Variants in KIAA0513 observed in about 807,000 individuals in gnomAD.
KIAA0513 encodes the protein uncharacterized protein KIAA0513.
In KIAA0513, 39 loss-of-function variants were observed where a neutral mutation model predicts 56.5. The ratio of observed to expected loss-of-function variants is 0.69; its 90% CI spans 0.53 to 0.90. The LOEUF is 0.90. Among genes scored for constraint, KIAA0513 ranks in the 40% least tolerant of loss-of-function variants. The probability of loss-of-function intolerance (pLI) is 0.00; values close to 1 mark genes in which losing one functional copy is unlikely to be tolerated. For missense variants in KIAA0513, 591 were observed against 535.2 expected, an observed-to-expected ratio of 1.10 and a Z score of -1.03; for synonymous variants, 268 against 215.6, an observed-to-expected ratio of 1.24 and a Z score of -2.13.
intron 1 of KIAA0513, among the ~76,000 whole-genome samples, chr16:85,033,605 C>G (rs1438774720): frequency 1.3e-5 from 2 of 151,934 alleles, no homozygotes; most frequent in African/African-American, 4.8e-5. Context: ...CATCTCATAT[C>G]TGACCAAGGG....
rs867284990 is a variant in KIAA0513, at chr16:85,086,835, G to A, written c.1091+111G>A. The A allele has an allele frequency of 1.9e-5, 20 of 1,038,636 alleles. No individual in the cohort carries two copies. In the Middle Eastern group the frequency reaches 2.2e-3, roughly 112 times the overall value. 64.3% of individuals were successfully genotyped at this position (1,038,636 alleles called of 1,614,324 possible). A position where few individuals can be genotyped will look rare whatever the true frequency, so the allele number is the denominator to read the frequency against. On this transcript the variant is annotated intron_variant, in intron 11 of 12. Coordinates refer to ENST00000683363, the MANE Select transcript of KIAA0513 (RefSeq NM_001388359.1). ...GTGATGTCAGCCTGCTCTGAGGCAT[G>A]GGGTTCATCACACTTGGCCTCCATG...
chr16:85,078,911 C>G lies in KIAA0513; in HGVS notation c.824-14C>G, dbSNP rs1470891857. 6.2e-7 allele frequency: 1 copy of G among 1,614,086 alleles called. No individual in the cohort carries two copies. The highest frequency in any genetic ancestry group is 1.1e-5 in the South Asian group (1 of 91,086). ...AACCAGAGCTGCTTTCAGCCATTCTCTCTCCTCCCACAGTGACCGCGTACA... is the reference window on the plus strand; with the variant it reads ...AACCAGAGCTGCTTTCAGCCATTCTGTCTCCTCCCACAGTGACCGCGTACA... On this transcript the variant is annotated splice_polypyrimidine_tract_variant and intron_variant, in intron 7 of 12. Coordinates refer to ENST00000683363, the MANE Select transcript of KIAA0513 (RefSeq NM_001388359.1).
At chr16:85,047,310 G>T (rs1341441460) in intron 1 of KIAA0513, among the ~76,000 whole-genome samples, 1 of 152,210 alleles carries the variant, frequency 6.6e-6, no homozygotes, top group African/African-American at 2.4e-5. Context: ...GAGCCCAGGA[G>T]CTCGTAACAA....
chr16:85,083,657 C>T (rs1421185673), intron 10 of KIAA0513, among the ~76,000 whole-genome samples: 1 of 152,196 alleles, frequency 6.6e-6, no homozygotes, highest in Admixed American at 6.5e-5. Flanking sequence ...GGACAGCTGG[C>T]CTCTTGGGCC....
intron 1 of KIAA0513, among the ~76,000 whole-genome samples, chr16:85,057,598 G>A (rs975937275): frequency 7.9e-5 from 12 of 152,300 alleles, no homozygotes; most frequent in African/African-American, 2.6e-4. Context: ...GAATACTGCA[G>A]TGAAGAAAAC....
chr16:85,046,134 G>C (rs1009902812), intron 1 of KIAA0513, among the ~76,000 whole-genome samples: 1 of 152,200 alleles, frequency 6.6e-6, no homozygotes, highest in Non-Finnish European at 1.5e-5. Flanking sequence ...GGCTGTTTGA[G>C]CTTTATATAG....
At chr16:85,085,772 C>T (rs1267497017) in intron 10 of KIAA0513, among the ~76,000 whole-genome samples, 1 of 152,228 alleles carries the variant, frequency 6.6e-6, no homozygotes, top group African/African-American at 2.4e-5. Context: ...AGCAGGTGAA[C>T]GCTCAGAACA....
chr16:85,049,882 G>A (rs1481574530), intron 1 of KIAA0513, among the ~76,000 whole-genome samples: 1 of 152,168 alleles, frequency 6.6e-6, no homozygotes, highest in Non-Finnish European at 1.5e-5. Flanking sequence ...GTAATTAAGT[G>A]TGGCTGTCTC....
At chr16:85,085,260 G>A (rs1010390565) in intron 10 of KIAA0513, among the ~76,000 whole-genome samples, 7 of 152,240 alleles carry the variant, frequency 4.6e-5, no homozygotes, top group Non-Finnish European at 5.9e-5. Context: ...TCCTGCCATC[G>A]GCACGAGGAG....
At chr16:85,041,294 T>C (rs951309259) in intron 1 of KIAA0513, among the ~76,000 whole-genome samples, 1 of 152,178 alleles carries the variant, frequency 6.6e-6, no homozygotes, top group African/African-American at 2.4e-5. Flanking sequence ...GTTTCCTCTG[T>C]CCGGAATATC....
intron 1 of KIAA0513, among the ~76,000 whole-genome samples, chr16:85,058,136 C>T (rs967260962): frequency 2.6e-5 from 4 of 152,200 alleles, no homozygotes; most frequent in Admixed American, 1.3e-4. Context: ...TTCAGGCCCT[C>T]TTCAGAGAAT....
intron 4 of KIAA0513, among the ~76,000 whole-genome samples, chr16:85,073,508 G>A (rs2073609936): frequency 6.6e-6 from 1 of 152,238 alleles, no homozygotes; most frequent in South Asian, 2.1e-4. Flanking sequence ...CTGCCAGCTG[G>A]AGATTTGGGG....
At chr16:85,032,722 C>T (rs2072982467) in intron 1 of KIAA0513, among the ~76,000 whole-genome samples, 1 of 152,100 alleles carries the variant, frequency 6.6e-6, no homozygotes, top group Admixed American at 6.5e-5. Flanking sequence ...GATCCGCCTC[C>T]CGGGTTCACA....
rs1052830250 is a variant in KIAA0513, at chr16:85,048,850, A to G, written c.-172-18050A>G. Among the ~76,000 whole-genome samples, 4 of 152,270 alleles carry G rather than the reference A, an allele frequency of 2.6e-5. No homozygotes were observed. In the South Asian group the frequency reaches 8.3e-4, roughly 32 times the overall value. On this transcript the variant is annotated intron_variant, in intron 1 of 12. Transcript: ENST00000683363. ...CCACAAATGACCTGTAGAAAACAGTAGAACACAATAACAATCTTCCGATTT... is the reference window on the plus strand; with the variant it reads ...CCACAAATGACCTGTAGAAAACAGTGGAACACAATAACAATCTTCCGATTT...
At chr16:85,043,521 C>T (rs895803922) in intron 1 of KIAA0513, among the ~76,000 whole-genome samples, 2 of 147,424 alleles carry the variant, frequency 1.4e-5, no homozygotes, top group African/African-American at 5.0e-5. Context: ...AAGCAATTCT[C>T]ATGCCACAGC....
chr16:85,086,515 C>A, intron 10 of KIAA0513, 129 bp from the exon 11 acceptor site: 1 of 842,102 alleles, frequency 1.2e-6, no homozygotes, highest in South Asian at 1.5e-5. Flanking sequence ...CGGTGGAAGG[C>A]ACCCCCTTCT....
intron 1 of KIAA0513, among the ~76,000 whole-genome samples, chr16:85,064,109 G>A (rs569259183): frequency 4.8e-4 from 72 of 148,614 alleles, no homozygotes; most frequent in South Asian, 1.1e-3. Flanking sequence ...AGGTTCAACC[G>A]ATTCTCCTGC....
chr16:85,047,422 A>G (rs1042766046), intron 1 of KIAA0513, among the ~76,000 whole-genome samples: 6 of 152,168 alleles, frequency 3.9e-5, no homozygotes, highest in African/African-American at 1.2e-4. Context: ...GCCAGGAGGC[A>G]GGGCTTCAGT....
chr16:85,030,668 C>T (rs1028758679), intron 1 of KIAA0513, among the ~76,000 whole-genome samples: 64 of 151,754 alleles, frequency 4.2e-4, no homozygotes, highest in Admixed American at 4.1e-3. Flanking sequence ...CACTGGAACC[C>T]AGGAGGCGGA....
Sources: allele counts gnomAD v4.1 joint callset (sites outside exome capture counted in the v4.1 genomes callset), GRCh38; gene constraint gnomAD v4.1.1; transcripts MANE v1.5; gene names NCBI Gene and HGNC (gene_info 2026-07-23, HGNC 2026-07-21).